MAGI3: variants seen among roughly 807,000 people sequenced by gnomAD.
MAGI3 encodes the protein membrane-associated guanylate kinase, WW and PDZ domain-containing protein 3.
MAGI3 carries 43 observed loss-of-function variants against 121.8 expected under a neutral mutation model. The observed-to-expected ratio is 0.35, with a 90% CI of 0.28 to 0.46. The LOEUF is 0.46. Among genes scored for constraint, MAGI3 ranks in the 20% least tolerant of loss-of-function variants. The pLI is 1.00. For synonymous variants in MAGI3, 553 were observed against 639.3 expected, an observed-to-expected ratio of 0.86 and a Z score of 2.04; for missense variants, 1,547 against 1,797.3, an observed-to-expected ratio of 0.86 and a Z score of 2.52.
chr1:113,572,852 A>G (rs1219285010), intron 2 of MAGI3, among the ~76,000 whole-genome samples: 2 of 150,876 alleles, frequency 1.3e-5, no homozygotes, highest in East Asian at 1.9e-4. Flanking sequence ...TCCTGGATTC[A>G]TTGATTTTTT....
intron 2 of MAGI3, among the ~76,000 whole-genome samples, chr1:113,550,258 A>C (rs1015046183): frequency 6.6e-6 from 1 of 151,276 alleles, no homozygotes; most frequent in Non-Finnish European, 1.5e-5. Flanking sequence ...AAAATACAAA[A>C]AAAAAAAAAT....
rs1370551379 is a variant in MAGI3 at position 113,646,532 on chromosome 1, A to G, written c.2045A>G (p.Glu682Gly). 2 of 1,612,960 alleles carry G rather than the reference A, an allele frequency of 1.2e-6. No homozygotes were observed. The highest frequency in any genetic ancestry group is 1.7e-6 in the Non-Finnish European group (2 of 1,179,358). ...GCAGGAAGTTTGGAGGCCATAAATG[A>G]GCCTATTCCTCAGCCTATGCCTTTT... is the stretch of plus-strand genomic sequence containing the variant. ...ENAGSLEAIN[E>G]PIPQPMPFPP... is the part of the protein sequence containing the mutation. The change falls in exon 12 of 21, where the codon GAG becomes GGG. Residue 682 changes from glutamate to glycine, a missense_variant. Transcript: ENST00000307546.
chr1:113,641,023 A>T (rs1409615532), intron 9 of MAGI3, among the ~76,000 whole-genome samples: 5 of 24,648 alleles, frequency 2.0e-4, no homozygotes, highest in Non-Finnish European at 3.9e-4. Flanking sequence ...ATGATATATA[A>T]TATATATGAT....
At chr1:113,423,002 G>A (rs370544020) in intron 1 of MAGI3, among the ~76,000 whole-genome samples, 1 of 152,264 alleles carries the variant, frequency 6.6e-6, no homozygotes, top group Admixed American at 6.5e-5. Context: ...TCTGCAGTCT[G>A]AGAGTATGTC....
At chr1:113,642,745 G>T (rs1652619904) in intron 10 of MAGI3, among the ~76,000 whole-genome samples, 1 of 152,100 alleles carries the variant, frequency 6.6e-6, no homozygotes, top group South Asian at 2.1e-4. Context: ...ATTTCCCTCT[G>T]TATTCTTTTG....
intron 1 of MAGI3, among the ~76,000 whole-genome samples, chr1:113,464,730 G>C (rs1655191287): frequency 1.3e-5 from 2 of 152,002 alleles, no homozygotes; most frequent in Non-Finnish European, 2.9e-5. Context: ...GTTTTTATTT[G>C]CATTTTTCTG....
intron 9 of MAGI3, among the ~76,000 whole-genome samples, chr1:113,629,759 T>TCCCTCTCC (rs1335092471): frequency 2.6e-4 from 21 of 80,578 alleles, no homozygotes; most frequent in African/African-American, 6.4e-4. Context: ...TCTCTCTCTC[T>TCCCTCTCC]CTCCCTCCCT....
intron 1 of MAGI3, among the ~76,000 whole-genome samples, chr1:113,536,471 T>C (rs1659006156): frequency 6.6e-6 from 1 of 152,206 alleles, no homozygotes; most frequent in Admixed American, 6.5e-5. Flanking sequence ...CTTTTTCTGT[T>C]GGCATATATT....
intron 9 of MAGI3, among the ~76,000 whole-genome samples, chr1:113,627,053 A>G (rs1651286932): frequency 6.6e-6 from 1 of 151,896 alleles, no homozygotes; most frequent in Non-Finnish European, 1.5e-5. Context: ...TTTTTTATAT[A>G]TATAGGCACT....
intron 6 of MAGI3, among the ~76,000 whole-genome samples, chr1:113,594,882 C>A (rs567991049): frequency 6.6e-6 from 1 of 152,252 alleles, no homozygotes; most frequent in African/African-American, 2.4e-5. Flanking sequence ...TTAGGCACAT[C>A]CTCAACCATA....
intron 16 of MAGI3, among the ~76,000 whole-genome samples, chr1:113,661,340 G>T (rs569142572): frequency 1.3e-4 from 20 of 152,280 alleles, no homozygotes; most frequent in Non-Finnish European, 2.6e-4. Flanking sequence ...TGTCCTAAAT[G>T]CTTGACATAT....
At chr1:113,618,722 T>C (rs41283510) in intron 7 of MAGI3, 9,573 of 267,892 alleles carry the variant, frequency 0.036, 218 homozygotes, top group Non-Finnish European at 0.048. Context: ...GCCAGGATGG[T>C]CTCTATCTCT....
intron 1 of MAGI3, among the ~76,000 whole-genome samples, chr1:113,528,627 A>G (rs1352752430): frequency 6.6e-6 from 1 of 152,172 alleles, no homozygotes; most frequent in Admixed American, 6.5e-5. Flanking sequence ...TAAATGGCTT[A>G]GCATTTATTG....
intron 20 of MAGI3, 43 bp downstream of exon 20, chr1:113,681,379 G>C (rs1278297409): frequency 6.3e-7 from 1 of 1,590,072 alleles, no homozygotes; most frequent in Non-Finnish European, 8.5e-7. Context: ...TTGTATATTA[G>C]GGAGGGGACA....
chr1:113,513,674 C>T (rs1176314869), intron 1 of MAGI3, among the ~76,000 whole-genome samples: 1 of 152,064 alleles, frequency 6.6e-6, no homozygotes, highest in Non-Finnish European at 1.5e-5. Context: ...CATAAAAACC[C>T]TAGAAGAAAA....
chr1:113,550,138 C>T (rs1381154508), intron 2 of MAGI3, among the ~76,000 whole-genome samples: 2 of 145,824 alleles, frequency 1.4e-5, no homozygotes, highest in Non-Finnish European at 3.0e-5. Context: ...AGGCCGGGCG[C>T]GGTGGCTCAC....
Position 113,555,564 on chromosome 1 carries a change from G to T in MAGI3, c.433+5933G>T, listed in dbSNP as rs143558031. ...CATTTACAAATATAGACCATATTCT[G>T]CACCACAAAACAAGAACTGATAGAT... On this transcript the variant is annotated intron_variant, in intron 2 of 20. Coordinates refer to ENST00000307546, the MANE Select transcript of MAGI3 (RefSeq NM_001142782.2). 3.3e-3 allele frequency among the ~76,000 whole-genome samples: 500 copies of T among 152,168 alleles called. 2 individuals carry two copies. Among genetic ancestry groups the T allele is most frequent in the African/African-American group, 0.011 (477 of 41,506 alleles).
At chr1:113,538,417 G>A (rs1659105636) in intron 1 of MAGI3, among the ~76,000 whole-genome samples, 1 of 152,210 alleles carries the variant, frequency 6.6e-6, no homozygotes, top group South Asian at 2.1e-4. Flanking sequence ...ATATGACTCA[G>A]TTATTGGTGT....
At chr1:113,450,122 TG>T in intron 1 of MAGI3, 1 of 1,460,076 alleles carries the variant, frequency 6.8e-7, no homozygotes, top group Non-Finnish European at 9.5e-7. Flanking sequence ...ACAGGCAGAG[TG>T]GGAAAAAGAG....
Sources: gnomAD v4.1 joint callset for allele counts (sites outside exome capture counted in the v4.1 genomes callset) on GRCh38, gnomAD v4.1.1 for gene constraint, MANE v1.5 for transcripts, NCBI Gene and HGNC (gene_info 2026-07-23, HGNC 2026-07-21) for gene names.